MICAL3: variants seen among roughly 807,000 people sequenced by gnomAD.
MICAL3 encodes [F-actin]-monooxygenase MICAL3.
In MICAL3, 62 loss-of-function variants were observed where a neutral mutation model predicts 207.4. The ratio of observed to expected loss-of-function variants is 0.30; its 90% CI spans 0.24 to 0.37. MICAL3 has a LOEUF of 0.37. Ranked by LOEUF, MICAL3 falls within the 10% of genes least tolerant of loss-of-function variation. MICAL3 has a pLI of 1.00. For missense variants in MICAL3, 2,368 were observed against 2,635.6 expected, an observed-to-expected ratio of 0.90 and a Z score of 2.22; for synonymous variants, 1,077 against 1,069.3, an observed-to-expected ratio of 1.01 and a Z score of -0.14.
At chr22:17,813,628 C>T (rs1318651104) in intron 27 of MICAL3, 1 of 152,250 alleles carries the variant, frequency 6.6e-6, no homozygotes, top group African/African-American at 2.4e-5. Context: ...ATGGACCACA[C>T]CCTAAGGAAC....
At chr22:17,897,053 C>T in intron 7 of MICAL3, 72 bp from the exon 8 acceptor site, 2 of 1,479,022 alleles carry the variant, frequency 1.4e-6, no homozygotes, top group South Asian at 1.3e-5. Context: ...TTACACAACC[C>T]AGGGCCACAG....
At chr22:17,993,874 C>A (rs535467265) in intron 1 of MICAL3, among the ~76,000 whole-genome samples, 27 of 152,146 alleles carry the variant, frequency 1.8e-4, no homozygotes, top group African/African-American at 6.5e-4. Flanking sequence ...GGAATATGCC[C>A]AAGTCAGTTG....
chr22:18,012,873 C>T (rs915233434), intron 1 of MICAL3, among the ~76,000 whole-genome samples: 11 of 152,338 alleles, frequency 7.2e-5, no homozygotes, highest in African/African-American at 2.2e-4. Flanking sequence ...GCATCAGCTC[C>T]ACGGTGGTAA....
intron 7 of MICAL3, among the ~76,000 whole-genome samples, chr22:17,898,894 C>T (rs879460730): frequency 6.6e-6 from 1 of 152,166 alleles, no homozygotes; most frequent in Non-Finnish European, 1.5e-5. Context: ...CCTGTCAGTG[C>T]TGCCTGGACC....
At chr22:17,886,567 G>A (rs773897128) in intron 15 of MICAL3, among the ~76,000 whole-genome samples, 1 of 152,182 alleles carries the variant, frequency 6.6e-6, no homozygotes, top group Non-Finnish European at 1.5e-5. Flanking sequence ...CACTTTGGGA[G>A]GCCAAGGTGG....
chr22:17,873,104 G>C (rs1927893953), intron 16 of MICAL3, among the ~76,000 whole-genome samples: 1 of 152,214 alleles, frequency 6.6e-6, no homozygotes, highest in Non-Finnish European at 1.5e-5. Flanking sequence ...TCTTCCTTGG[G>C]AAGAACTGGG....
chr22:17,961,063 C>T (rs1195142709), intron 1 of MICAL3, among the ~76,000 whole-genome samples: 2 of 152,092 alleles, frequency 1.3e-5, no homozygotes, highest in African/African-American at 2.4e-5. Context: ...TCCTGGTTGC[C>T]AGCTGCCAGC....
chr22:17,933,031 A>T (rs959253193), intron 1 of MICAL3, among the ~76,000 whole-genome samples: 10 of 152,210 alleles, frequency 6.6e-5, no homozygotes, highest in African/African-American at 2.2e-4. Context: ...GGGAGACTTT[A>T]ACACCCCACT....
chr22:17,863,432 T>C (rs1475410692), intron 19 of MICAL3: 1 of 985,338 alleles, frequency 1.0e-6, no homozygotes, highest in Admixed American at 6.1e-5. Context: ...TTTGGTTATT[T>C]TTCTCTACCA....
At chr22:17,837,504 G>A (rs868793561) in intron 20 of MICAL3, among the ~76,000 whole-genome samples, 12 of 152,226 alleles carry the variant, frequency 7.9e-5, no homozygotes, top group Admixed American at 3.3e-4. Flanking sequence ...TTTGCTGCCC[G>A]GGGCACATTC....
intron 1 of MICAL3, among the ~76,000 whole-genome samples, chr22:17,992,752 CTG>C (rs1481322953): frequency 6.6e-6 from 1 of 152,146 alleles, no homozygotes; most frequent in East Asian, 1.9e-4. Context: ...CTGCCTCATA[CTG>C]TCTTTTTCTG....
At chr22:17,941,846 G>T (rs1409330120) in intron 1 of MICAL3, among the ~76,000 whole-genome samples, 1 of 152,076 alleles carries the variant, frequency 6.6e-6, no homozygotes, top group Non-Finnish European at 1.5e-5. Context: ...GTGGTCAATC[G>T]CTCCCTCCCA....
intron 25 of MICAL3, among the ~76,000 whole-genome samples, chr22:17,820,842 TAAA>T (rs1309441958): frequency 6.8e-6 from 1 of 147,252 alleles, no homozygotes; most frequent in Non-Finnish European, 1.5e-5. Context: ...TATAAATTTA[TAAA>T]AAATAAATTT....
chr22:17,930,129 C>T (rs575310384), intron 1 of MICAL3, among the ~76,000 whole-genome samples: 10 of 152,332 alleles, frequency 6.6e-5, no homozygotes, highest in African/African-American at 2.4e-4. Flanking sequence ...TATCACCCAT[C>T]AGAATAACTA....
chr22:17,976,189 G>C (rs557312270), intron 1 of MICAL3, among the ~76,000 whole-genome samples: 29 of 152,330 alleles, frequency 1.9e-4, no homozygotes, highest in Admixed American at 4.6e-4. Context: ...AAAATATGTT[G>C]TGGGGATCAG....
intron 1 of MICAL3, among the ~76,000 whole-genome samples, chr22:18,003,276 C>G (rs996978712): frequency 6.6e-6 from 1 of 152,144 alleles, no homozygotes; most frequent in Admixed American, 6.5e-5. Flanking sequence ...TTCTGGGTCC[C>G]TCATCTCTTA....
chr22:17,884,748 G>A (rs1441636724), intron 16 of MICAL3, among the ~76,000 whole-genome samples: 1 of 152,182 alleles, frequency 6.6e-6, no homozygotes, highest in Non-Finnish European at 1.5e-5. Context: ...TCCCAAGGTA[G>A]GGGCACCTGG....
Position 17,790,858 on chromosome 22 carries a change from C to T in MICAL3, c.5883G>A (p.Leu1961=), listed in dbSNP as rs749844504. ...GTGAGTCTCTCTGCTCCACCACCTC[C>T]AGCATCTCATTGAGAATCTGCTTCT... ...SEEKQILNEM[L]EVVEQRDSLV... The change falls in exon 32 of 32, where the codon CTG becomes CTA. Residue 1961 remains leucine (L), a synonymous_variant. Transcript: ENST00000441493. 2.5e-6 allele frequency: 4 copies of T among 1,613,912 alleles called. No homozygotes were observed. In the Admixed American group the frequency reaches 6.7e-5, roughly 27 times the overall value.
chr22:17,899,822 C>CA lies in MICAL3; in HGVS notation c.848-275dup, dbSNP rs563096421. On this transcript the variant is annotated intron_variant, in intron 6 of 31. Coordinates refer to ENST00000441493, the MANE Select transcript of MICAL3 (RefSeq NM_015241.3). ...TTTACGGGAATAAAAACGAAACAAG[C>CA]AAAAAAAAAAGAGGCTAACCTCTAA... Among the ~76,000 whole-genome samples, 433 of 145,042 alleles carry CA rather than the reference C, an allele frequency of 3.0e-3. 1 individual carries two copies. Among genetic ancestry groups the CA allele is most frequent in the African/African-American group, 7.4e-3 (295 of 39,620 alleles).
Sources: allele counts gnomAD v4.1 joint callset (sites outside exome capture counted in the v4.1 genomes callset), GRCh38; gene constraint gnomAD v4.1.1; transcripts MANE v1.5; gene names NCBI Gene and HGNC (gene_info 2026-07-23, HGNC 2026-07-21).